CRB1: variants seen among roughly 807,000 people sequenced by gnomAD.
The protein encoded by CRB1 is crumbs cell polarity complex component 1.
CRB1 carries 83 observed loss-of-function variants against 120.0 expected under a neutral mutation model. That is an observed-to-expected ratio of 0.69 (90% CI 0.58 to 0.83). CRB1 has a LOEUF of 0.83. Ranked by LOEUF, CRB1 falls within the 40% of genes least tolerant of loss-of-function variation. CRB1 has a pLI of 0.00. For synonymous variants in CRB1, 625 were observed against 612.5 expected (o/e 1.02, Z -0.30); for missense variants, 1,699 against 1,687.6 (o/e 1.01, Z -0.12).
chr1:197,312,838 A>G (rs1657619949), intron 1 of CRB1, among the ~76,000 whole-genome samples: 1 of 152,180 alleles, frequency 6.6e-6, no homozygotes, highest in Admixed American at 6.5e-5. Context: ...AACATTTAAT[A>G]TTATTCTTGT....
rs776426313 is a variant in CRB1 at position 197,429,524 on chromosome 1, A to T, written c.2752A>T (p.Ser918Cys). ...CTCCTGTTCCTGTCCTGCCCTCACA[A>T]GTGGGAAAGCCTGTGAGGAGGTTCA... ...DFSCSCPALT[S>C]GKACEEVQWC... The change falls in exon 8 of 12, where the codon AGT becomes TGT. Residue 918 changes from serine (S) to cysteine (C), a missense_variant. Transcript: ENST00000367400. 6 of 1,613,640 alleles carry T rather than the reference A, an allele frequency of 3.7e-6. No homozygotes were observed. In the African/African-American group the frequency reaches 5.3e-5, roughly 14 times the overall value.
the CRB1 span, among the ~76,000 whole-genome samples, chr1:197,217,893 CAT>C: frequency 1.3e-5 from 2 of 152,050 alleles, no homozygotes; most frequent in Non-Finnish European, 2.9e-5. Context: ...ATGTGAAAAA[CAT>C]AGTACTTGTT....
chr1:197,410,966 G>A (rs987568473), intron 5 of CRB1, among the ~76,000 whole-genome samples: 1 of 152,170 alleles, frequency 6.6e-6, no homozygotes, highest in Middle Eastern at 3.4e-3. Context: ...CCATCCAAAG[G>A]CTTCTTACTG....
At chr1:197,364,988 T>C (rs576560453) in intron 5 of CRB1, among the ~76,000 whole-genome samples, 3 of 152,146 alleles carry the variant, frequency 2.0e-5, no homozygotes, top group Non-Finnish European at 4.4e-5. Flanking sequence ...GTTAGGAGAC[T>C]CCATGTCTTC....
chr1:197,472,257 A>G (rs1018794325), intron 11 of CRB1, among the ~76,000 whole-genome samples: 1 of 152,234 alleles, frequency 6.6e-6, no homozygotes, highest in African/African-American at 2.4e-5. Context: ...ATATACATAC[A>G]ACTGAATTCC....
chr1:197,360,148 G>A (rs1410568914), intron 5 of CRB1, among the ~76,000 whole-genome samples: 1 of 152,160 alleles, frequency 6.6e-6, no homozygotes, highest in East Asian at 1.9e-4. Flanking sequence ...AGCCACATAA[G>A]AATGGGCCTT....
At chr1:197,458,530 A>C (rs1666385130) in intron 11 of CRB1, among the ~76,000 whole-genome samples, 1 of 152,092 alleles carries the variant, frequency 6.6e-6, no homozygotes, top group Non-Finnish European at 1.5e-5. Flanking sequence ...TGCTCCCCAC[A>C]GGATAAGCTG....
At chr1:197,409,793 C>CT (rs200830339) in intron 5 of CRB1, among the ~76,000 whole-genome samples, 87 of 151,338 alleles carry the variant, frequency 5.7e-4, no homozygotes, top group East Asian at 2.1e-3. Context: ...AGTTCTTTCT[C>CT]TTTTTTTTTG....
At chr1:197,443,583 A>T (rs1665562271) in intron 11 of CRB1, 1 of 151,878 alleles carries the variant, frequency 6.6e-6, no homozygotes, top group Non-Finnish European at 1.5e-5. Flanking sequence ...GAATTTTCTT[A>T]GAAGCATGGT....
At chr1:197,300,444 G>C (rs1234486128) in intron 1 of CRB1, among the ~76,000 whole-genome samples, 2 of 151,940 alleles carry the variant, frequency 1.3e-5, no homozygotes, top group Non-Finnish European at 2.9e-5. Flanking sequence ...GATCAAACCA[G>C]CCACAACATT....
intron 1 of CRB1, among the ~76,000 whole-genome samples, chr1:197,270,712 G>T (rs1004341921): frequency 6.6e-6 from 1 of 152,078 alleles, no homozygotes; most frequent in Admixed American, 6.6e-5. Flanking sequence ...GGCACATAGA[G>T]GTTTATTAAT....
chr1:197,295,520 C>T (rs1271888621), intron 1 of CRB1, among the ~76,000 whole-genome samples: 5 of 151,966 alleles, frequency 3.3e-5, no homozygotes, highest in Non-Finnish European at 4.4e-5. Context: ...AAGAGAGGAA[C>T]CAGACACTCA....
chr1:197,382,200 G>T (rs1338519442), intron 5 of CRB1, among the ~76,000 whole-genome samples: 4 of 152,146 alleles, frequency 2.6e-5, no homozygotes, highest in African/African-American at 9.7e-5. Context: ...TTACAGGGTG[G>T]CTGGTAATGG....
At chr1:197,252,574 A>ATGTG in the CRB1 span, among the ~76,000 whole-genome samples, 6 of 41,822 alleles carry the variant, frequency 1.4e-4, no homozygotes, top group Non-Finnish European at 2.7e-4. Context: ...ATATATATAT[A>ATGTG]TATATATATG....
At chr1:197,425,876 T>G (rs956885187) in intron 6 of CRB1, among the ~76,000 whole-genome samples, 4 of 152,024 alleles carry the variant, frequency 2.6e-5, no homozygotes, top group South Asian at 4.2e-4. Flanking sequence ...TAATATGGTT[T>G]GGATGTATGC....
At chr1:197,419,993 A>C (rs902674265) in intron 5 of CRB1, among the ~76,000 whole-genome samples, 26 of 77,356 alleles carry the variant, frequency 3.4e-4, no homozygotes, top group Non-Finnish European at 9.6e-4. Context: ...AAACGAAAAA[A>C]AAAAAACAAA....
chr1:197,432,155 G>A (rs1183144719), intron 8 of CRB1, among the ~76,000 whole-genome samples: 2 of 152,002 alleles, frequency 1.3e-5, no homozygotes, highest in Non-Finnish European at 2.9e-5. Flanking sequence ...GGTATATCGT[G>A]GTTTTTACCC....
At chr1:197,393,788 T>C (rs1035390182) in intron 5 of CRB1, among the ~76,000 whole-genome samples, 1 of 134,314 alleles carries the variant, frequency 7.4e-6, no homozygotes, top group Non-Finnish European at 1.6e-5. Flanking sequence ...GGCACATTTA[T>C]CTGTTCTTCT....
intron 5 of CRB1, among the ~76,000 whole-genome samples, chr1:197,379,802 G>A (rs1226389140): frequency 6.6e-6 from 1 of 152,022 alleles, no homozygotes; most frequent in East Asian, 1.9e-4. Context: ...CCTTGCACTG[G>A]GTAAGCTTTG....
Sources: allele counts gnomAD v4.1 joint callset (sites outside exome capture counted in the v4.1 genomes callset), GRCh38; gene constraint gnomAD v4.1.1; transcripts MANE v1.5; gene names NCBI Gene and HGNC (gene_info 2026-07-23, HGNC 2026-07-21).